Variants in SUGCT observed in about 807,000 individuals in gnomAD.
SUGCT encodes the protein succinyl-CoA:glutarate CoA-transferase.
Under a neutral mutation model 55.0 loss-of-function variants are expected in SUGCT, and 41 were observed. That is an observed-to-expected ratio of 0.74 (90% CI 0.58 to 0.97). The LOEUF is 0.97. Ranked by LOEUF, SUGCT falls within the 50% of genes least tolerant of loss-of-function variation. The probability of loss-of-function intolerance (pLI) is 0.00; values close to 1 mark genes in which losing one functional copy is unlikely to be tolerated. For missense variants in SUGCT, 568 were observed against 547.8 expected, an observed-to-expected ratio of 1.04 and a Z score of -0.37; for synonymous variants, 187 against 200.4, an observed-to-expected ratio of 0.93 and a Z score of 0.56.
chr7:40,369,018 A>ATT (rs903866502), intron 9 of SUGCT, among the ~76,000 whole-genome samples: 5 of 152,016 alleles, frequency 3.3e-5, no homozygotes, highest in Admixed American at 3.3e-4. Flanking sequence ...GCAGAAGAAT[A>ATT]GCTTGAACGC....
At chr7:40,317,120 A>G (rs1464552742) in intron 9 of SUGCT, among the ~76,000 whole-genome samples, 1 of 128,594 alleles carries the variant, frequency 7.8e-6, no homozygotes, top group East Asian at 2.2e-4. Context: ...TTGGGCTCGT[A>G]TGATGGTTTT....
intron 12 of SUGCT, among the ~76,000 whole-genome samples, chr7:40,614,641 G>A (rs1465861610): frequency 1.3e-5 from 2 of 152,126 alleles, no homozygotes; most frequent in Non-Finnish European, 2.9e-5. Flanking sequence ...ACACAAAATT[G>A]TTGAAATCAG....
the SUGCT span, among the ~76,000 whole-genome samples, chr7:40,952,204 G>T: frequency 6.6e-6 from 1 of 152,140 alleles, no homozygotes; most frequent in East Asian, 1.9e-4. Flanking sequence ...TTACTATTAT[G>T]TAATGGTCTT....
the SUGCT span, among the ~76,000 whole-genome samples, chr7:41,021,415 G>A: frequency 2.0e-5 from 3 of 152,082 alleles, no homozygotes; most frequent in South Asian, 2.1e-4. Flanking sequence ...TGTTTTGTAT[G>A]TTTGTAGTAG....
At chr7:40,402,491 A>G (rs762236319) in intron 9 of SUGCT, among the ~76,000 whole-genome samples, 2 of 152,158 alleles carry the variant, frequency 1.3e-5, no homozygotes, top group Admixed American at 6.5e-5. Flanking sequence ...ATAAACTTCT[A>G]TGGGGGAAAA....
chr7:40,853,076 C>CAA (rs60985337), intron 13 of SUGCT, among the ~76,000 whole-genome samples: 3,757 of 95,116 alleles, frequency 0.039, 54 homozygotes, highest in Middle Eastern at 0.095. Flanking sequence ...CACAACACTT[C>CAA]AAAAAAAAAA....
intron 13 of SUGCT, among the ~76,000 whole-genome samples, chr7:40,816,929 G>A (rs1280784609): frequency 1.3e-5 from 2 of 152,196 alleles, no homozygotes; most frequent in Admixed American, 1.3e-4. Flanking sequence ...TCAAATAAGA[G>A]TTGCATGAAG....
chr7:40,174,923 T>G (rs1253609297), intron 1 of SUGCT, among the ~76,000 whole-genome samples: 1 of 152,196 alleles, frequency 6.6e-6, no homozygotes, highest in Non-Finnish European at 1.5e-5. Context: ...TATTGAATAG[T>G]TATCTTTTAA....
chr7:40,617,512 T>TGC (rs1799065156), intron 12 of SUGCT, among the ~76,000 whole-genome samples: 2 of 148,260 alleles, frequency 1.3e-5, no homozygotes, highest in African/African-American at 2.5e-5. Context: ...TGTGTGTGTG[T>TGC]GCATGTTTTC....
chr7:40,792,502 C>T (rs1266389657), intron 13 of SUGCT, among the ~76,000 whole-genome samples: 1 of 152,128 alleles, frequency 6.6e-6, no homozygotes, highest in East Asian at 1.9e-4. Flanking sequence ...TGTTCTGATT[C>T]CGTATTGACC....
At chr7:40,874,986 G>A in the SUGCT span, among the ~76,000 whole-genome samples, 6 of 152,200 alleles carry the variant, frequency 3.9e-5, no homozygotes, top group African/African-American at 1.4e-4. Context: ...TCTGCCAAAC[G>A]GCACTGCACT....
At chr7:40,905,998 A>G in the SUGCT span, among the ~76,000 whole-genome samples, 1 of 152,194 alleles carries the variant, frequency 6.6e-6, no homozygotes, top group Non-Finnish European at 1.5e-5. Flanking sequence ...TGCTGGGATT[A>G]CAGGCATGAG....
chr7:40,697,878 C>T (rs1000782622), intron 12 of SUGCT, among the ~76,000 whole-genome samples: 2 of 152,302 alleles, frequency 1.3e-5, no homozygotes, highest in South Asian at 2.1e-4. Flanking sequence ...CCTCAGTGCT[C>T]GCAATGTGCC....
chr7:40,407,227 A>G (rs887364158), intron 9 of SUGCT, among the ~76,000 whole-genome samples: 1 of 152,082 alleles, frequency 6.6e-6, no homozygotes. Flanking sequence ...TTGTTGATTC[A>G]AGGAAAATTT....
At chr7:40,787,605 G>C (rs1306662746) in intron 13 of SUGCT, among the ~76,000 whole-genome samples, 1 of 129,356 alleles carries the variant, frequency 7.7e-6, no homozygotes, top group Non-Finnish European at 1.5e-5. Flanking sequence ...ATTTCTTTTT[G>C]CTTCACATAT....
chr7:40,688,274 C>T (rs1349257245), intron 12 of SUGCT, among the ~76,000 whole-genome samples: 1 of 152,120 alleles, frequency 6.6e-6, no homozygotes, highest in Non-Finnish European at 1.5e-5. Context: ...ATTCCTGGAT[C>T]AGCACATTCA....
the SUGCT span, among the ~76,000 whole-genome samples, chr7:41,006,341 T>G: frequency 6.6e-6 from 1 of 152,214 alleles, no homozygotes; most frequent in Non-Finnish European, 1.5e-5. Flanking sequence ...ACAAAGGCAC[T>G]CTGAGCCAAC....
At chr7:40,233,910 T>C (rs1255698227) in intron 6 of SUGCT, among the ~76,000 whole-genome samples, 1 of 152,228 alleles carries the variant, frequency 6.6e-6, no homozygotes, top group Non-Finnish European at 1.5e-5. Flanking sequence ...GGCAGAACTA[T>C]AATTTGAATC....
rs1328190990 is a variant in SUGCT, at chr7:40,182,027, A to G, written c.225A>G (p.Pro75=). The G allele has an allele frequency of 6.4e-7, 1 of 1,568,872 alleles. No homozygotes were observed. Among genetic ancestry groups the G allele is most frequent in the Non-Finnish European group, 8.7e-7 (1 of 1,149,486 alleles). Residue 75 remains proline, a splice_region_variant and synonymous_variant, in exon 3 of 14, where the codon CCA becomes CCG. Transcript: ENST00000335693. ...CAGAAGTTATAAAAGTGGAGAGACCAGGTAAAGCTATTACTCCCTTTAAAA... is the reference window on the plus strand; with the variant it reads ...CAGAAGTTATAAAAGTGGAGAGACCGGGTAAAGCTATTACTCCCTTTAAAA... ...LGAEVIKVER[P]GAGDDTRTWG...
Sources: gnomAD v4.1 joint callset for allele counts (sites outside exome capture counted in the v4.1 genomes callset) on GRCh38, gnomAD v4.1.1 for gene constraint, MANE v1.5 for transcripts, NCBI Gene and HGNC (gene_info 2026-07-23, HGNC 2026-07-21) for gene names.